LRP1B: variants seen among roughly 807,000 people sequenced by gnomAD.
LRP1B encodes the protein LDL receptor related protein 1B.
Under a neutral mutation model 556.6 loss-of-function variants are expected in LRP1B, and 217 were observed. That is an observed-to-expected ratio of 0.39 (90% CI 0.35 to 0.44). The LOEUF (loss-of-function observed/expected upper bound fraction) is 0.44. Among genes scored for constraint, LRP1B ranks in the 20% least tolerant of loss-of-function variants. LRP1B has a pLI of 1.00. For missense variants in LRP1B, 5,053 were observed against 5,620.8 expected (o/e 0.90, Z 3.23); for synonymous variants, 2,047 against 1,865.8 (o/e 1.10, Z -2.50).
Position 140,886,279 on chromosome 2 carries a change from G to A in LRP1B, c.3823C>T (p.Leu1275Phe), listed in dbSNP as rs754346835. Residue 1275 changes from leucine to phenylalanine, a missense_variant, in exon 24 of 91, where the codon CTT becomes TTT. By Grantham distance (22) the Leu-to-Phe change is conservative. Around this residue, in one of 5 missense-constraint regions of LRP1B, gnomAD observed 3,619 missense variants for 3,931.9 expected, o/e 0.92. Coordinates refer to ENST00000389484, the MANE Select transcript of LRP1B (RefSeq NM_018557.3). Reference sequence around the variant, plus strand: ...AGTAGACTATAGTCTCTTTTGTGAAGATCAATCCTTCTGATCTCATGACGA... The same window carrying A: ...AGTAGACTATAGTCTCTTTTGTGAAAATCAATCCTTCTGATCTCATGACGA... The part of the protein sequence containing the change: ...SIRHEIRRID[L>F]HKRDYSLLVP... The A allele has an allele frequency of 6.2e-7, 1 of 1,608,684 alleles. No individual in the cohort carries two copies. The highest frequency in any genetic ancestry group is 2.2e-5 in the East Asian group (1 of 44,600).
intron 1 of LRP1B, among the ~76,000 whole-genome samples, chr2:141,963,927 A>G (rs1452305090): frequency 7.6e-5 from 9 of 118,238 alleles, no homozygotes; most frequent in African/African-American, 2.8e-4. Context: ...TACAAAAATC[A>G]CAAGCATTCC....
intron 3 of LRP1B, among the ~76,000 whole-genome samples, chr2:141,463,549 T>TTA (rs1553518086): frequency 5.2e-5 from 1 of 19,376 alleles, no homozygotes; most frequent in Non-Finnish European, 1.4e-4. Flanking sequence ...TTATATATAA[T>TTA]TATATATAAT....
In LRP1B at chr2:140,373,141, T is replaced by C. The variant is rs759408235; in HGVS notation, c.10639-4A>G. Reference sequence around the variant, plus strand: ...AACAACTTGTCTCACAATTTCTCTATGAAAAACAACAGAGATATAATCAAA... The same window carrying C: ...AACAACTTGTCTCACAATTTCTCTACGAAAAACAACAGAGATATAATCAAA... On this transcript the variant is annotated splice_polypyrimidine_tract_variant and splice_region_variant and intron_variant, in intron 68 of 90. Coordinates refer to ENST00000389484, the MANE Select transcript of LRP1B (RefSeq NM_018557.3). The C allele has an allele frequency of 1.2e-6, 2 of 1,612,284 alleles. No homozygotes were observed. The highest frequency in any genetic ancestry group is 1.7e-6 in the Non-Finnish European group (2 of 1,179,012).
rs145705273 is a variant in LRP1B at position 142,033,566 on chromosome 2, A to C, written c.82+97082T>G. Among the ~76,000 whole-genome samples the C allele has an allele frequency of 3.2e-3, 492 of 151,874 alleles. 1 individual carries two copies. Among genetic ancestry groups the C allele is most frequent in the Admixed American group, 6.0e-3 (92 of 15,220 alleles). On this transcript the variant is annotated intron_variant, in intron 1 of 90. Transcript: ENST00000389484. ...GTGTTGGCACTCACCCAAGAAGCTA[A>C]ATGGTGAGAAAAGTGGACTTCATTC...
intron 18 of LRP1B, among the ~76,000 whole-genome samples, chr2:140,952,530 C>CA (rs1313356713): frequency 2.0e-5 from 3 of 149,402 alleles, no homozygotes; most frequent in African/African-American, 7.4e-5. Flanking sequence ...ACAAAAAAAA[C>CA]AAAAAACCGA....
chr2:140,421,889 C>T (rs975262400), intron 66 of LRP1B, among the ~76,000 whole-genome samples: 1 of 152,114 alleles, frequency 6.6e-6, no homozygotes, highest in African/African-American at 2.4e-5. Flanking sequence ...CTGTCCAGTG[C>T]CCTGCCACAT....
rs182631307 is a variant in LRP1B at position 141,513,515 on chromosome 2, A to G, written c.206-32982T>C. 1.8e-4 allele frequency among the ~76,000 whole-genome samples: 28 copies of G among 152,262 alleles called. No individual in the cohort carries two copies. The East Asian group carries it at 5.2e-3, about 28-fold the overall frequency. ...CTTTTAGATGTATTATCTAGCCAGG[A>G]CAATATTATACTACTTATCAAAACT... On this transcript the variant is annotated intron_variant, in intron 2 of 90. Transcript: ENST00000389484.
At chr2:140,506,764 A>G in intron 53 of LRP1B, 32 bp downstream of exon 53, 3 of 1,594,642 alleles carry the variant, frequency 1.9e-6, no homozygotes, top group Middle Eastern at 1.7e-4. Flanking sequence ...TTAGCCTAGG[A>G]ATCTCCTTCA....
intron 3 of LRP1B, among the ~76,000 whole-genome samples, chr2:141,353,291 T>C (rs1305795132): frequency 2.6e-5 from 4 of 151,946 alleles, no homozygotes; most frequent in African/African-American, 7.2e-5. Flanking sequence ...TGACCTAAAA[T>C]ACCAAGTATT....
chr2:140,900,937 G>C (rs898610984), intron 23 of LRP1B, among the ~76,000 whole-genome samples: 1 of 152,156 alleles, frequency 6.6e-6, no homozygotes, highest in Non-Finnish European at 1.5e-5. Flanking sequence ...TATAGTCTAA[G>C]TGAAAGAAAC....
intron 1 of LRP1B, among the ~76,000 whole-genome samples, chr2:142,073,217 C>T (rs1705385907): frequency 6.6e-6 from 1 of 151,806 alleles, no homozygotes; most frequent in South Asian, 2.1e-4. Context: ...CAGCCTAGGT[C>T]TTTGGAATAT....
At chr2:141,390,902 C>T (rs184716434) in intron 3 of LRP1B, among the ~76,000 whole-genome samples, 6 of 152,072 alleles carry the variant, frequency 3.9e-5, no homozygotes, top group South Asian at 2.1e-4. Context: ...AATAATTTTA[C>T]GTTATGTAAA....
chr2:140,372,965 G>A (rs2105170839), intron 69 of LRP1B, 43 bp downstream of exon 69: 2 of 1,601,908 alleles, frequency 1.2e-6, no homozygotes, highest in South Asian at 1.1e-5. Context: ...ATTCTATCAA[G>A]GTAAAATGTT....
intron 47 of LRP1B, among the ~76,000 whole-genome samples, chr2:140,529,434 G>GA (rs746225934): frequency 9.7e-6 from 1 of 102,666 alleles, no homozygotes; most frequent in African/African-American, 4.6e-5. Flanking sequence ...AGCTGAAAAG[G>GA]GGGGGGGGAA....
chr2:141,581,469 A>T (rs946326562), intron 2 of LRP1B, among the ~76,000 whole-genome samples: 1 of 152,182 alleles, frequency 6.6e-6, no homozygotes, highest in African/African-American at 2.4e-5. Context: ...TAAAATCTTT[A>T]AAGTAATGAC....
chr2:141,219,241 C>T (rs574257954), intron 6 of LRP1B, among the ~76,000 whole-genome samples: 1 of 152,172 alleles, frequency 6.6e-6, no homozygotes, highest in Non-Finnish European at 1.5e-5. Context: ...CTGAGGCTGT[C>T]ATCAGCCATT....
intron 66 of LRP1B, among the ~76,000 whole-genome samples, chr2:140,393,071 G>A (rs1684093750): frequency 6.6e-6 from 1 of 151,218 alleles, no homozygotes; most frequent in African/African-American, 2.4e-5. Flanking sequence ...CCTGGACTAC[G>A]CACACACCAC....
At chr2:141,691,760 A>T (rs1691541272) in intron 2 of LRP1B, among the ~76,000 whole-genome samples, 1 of 151,806 alleles carries the variant, frequency 6.6e-6, no homozygotes, top group Non-Finnish European at 1.5e-5. Flanking sequence ...CAAACTACTC[A>T]ATTCATATGG....
chr2:141,485,747 C>G (rs1386996702), intron 2 of LRP1B, among the ~76,000 whole-genome samples: 1 of 152,110 alleles, frequency 6.6e-6, no homozygotes, highest in African/African-American at 2.4e-5. Flanking sequence ...ACCCATCCAC[C>G]AGGGTGAGAA....
Sources: gnomAD v4.1 joint callset for allele counts (sites outside exome capture counted in the v4.1 genomes callset) on GRCh38, gnomAD v4.1.1 for gene constraint, gnomAD v4.1.1 regional missense constraint, MANE v1.5 for transcripts, NCBI Gene and HGNC (gene_info 2026-07-23, HGNC 2026-07-21) for gene names.